CAAP1: variants seen among roughly 807,000 people sequenced by gnomAD.
The protein encoded by CAAP1 is conserved anti-apoptotic protein.
Under a neutral mutation model 34.0 loss-of-function variants are expected in CAAP1, and 20 were observed. The observed-to-expected ratio is 0.59, with a 90% CI of 0.41 to 0.86. The LOEUF (loss-of-function observed/expected upper bound fraction) is 0.86, where lower values mean the gene tolerates loss of function less well. Among genes scored for constraint, CAAP1 ranks in the 40% least tolerant of loss-of-function variants. CAAP1 has a pLI of 0.00. For synonymous variants in CAAP1, 213 were observed against 166.7 expected (o/e 1.28, Z -2.14); for missense variants, 538 against 450.5 (o/e 1.19, Z -1.76).
chr9:26,873,379 G>A (rs10967577), intron 4 of CAAP1, among the ~76,000 whole-genome samples: 6,503 of 152,124 alleles, frequency 0.043, 475 homozygotes, highest in African/African-American at 0.15. Flanking sequence ...ATTTTCACTG[G>A]TATCTCCCTC....
At chr9:26,852,284 T>C (rs1052006758) in intron 5 of CAAP1, among the ~76,000 whole-genome samples, 3 of 151,940 alleles carry the variant, frequency 2.0e-5, no homozygotes, top group African/African-American at 4.8e-5. Context: ...TGAAACGCCG[T>C]CTCTATTAAA....
intron 5 of CAAP1, among the ~76,000 whole-genome samples, chr9:26,844,369 A>T (rs757892830): frequency 6.6e-6 from 1 of 152,026 alleles, no homozygotes; most frequent in Non-Finnish European, 1.5e-5. Flanking sequence ...AAAAAAAAAG[A>T]AAATAAGTGC....
At chr9:26,870,033 G>C in intron 4 of CAAP1, 116 of 337,614 alleles carry the variant, frequency 3.4e-4, no homozygotes, top group Non-Finnish European at 4.3e-4. Context: ...GTAATAGAAA[G>C]AATAACTTTT....
At chr9:26,871,038 T>G (rs1444010282) in intron 4 of CAAP1, among the ~76,000 whole-genome samples, 1 of 152,178 alleles carries the variant, frequency 6.6e-6, no homozygotes, top group African/African-American at 2.4e-5. Context: ...CATTCAAGTT[T>G]ATTAATAGTG....
rs527672517 is a variant in CAAP1, at chr9:26,842,044, G to A, written c.*257C>T. ...ATGGCTTTTAAGATTTGCAGACACA[G>A]CTAAATACTCATCTAACAAAGTATC... On this transcript the variant is annotated 3_prime_UTR_variant, in exon 6 of 6. Coordinates refer to ENST00000333916, the MANE Select transcript of CAAP1 (RefSeq NM_024828.4). The A allele has an allele frequency of 3.1e-6, 1 of 323,674 alleles. No individual in the cohort carries two copies. The highest frequency in any genetic ancestry group is 5.6e-6 in the Non-Finnish European group (1 of 178,590). 20.1% of individuals were successfully genotyped at this position (323,674 alleles called of 1,614,324 possible).
chr9:26,858,709 G>A (rs746515921), intron 5 of CAAP1, among the ~76,000 whole-genome samples: 1 of 151,960 alleles, frequency 6.6e-6, no homozygotes, highest in Non-Finnish European at 1.5e-5. Flanking sequence ...TGTAGTCCCA[G>A]CTACTTGGGA....
Position 26,892,648 on chromosome 9 carries a change from A to G in CAAP1, c.68T>C (p.Leu23Pro), listed in dbSNP as rs1460766092. 3 of 1,608,092 alleles carry G rather than the reference A, an allele frequency of 1.9e-6. No homozygotes were observed. The highest frequency in any genetic ancestry group is 2.5e-6 in the Non-Finnish European group (3 of 1,179,256). Reference protein sequence around the residue: ...KRSSQEAAAALAAPDIVPALA... With the variant: ...KRSSQEAAAAPAAPDIVPALA... ...CGCGGGTACGATGTCCGGGGCCGCG[A>G]GCGCTGCGGCCGCCTCCTGACTGCT... Residue 23 changes from leucine (L) to proline (P), a missense_variant, in exon 1 of 6, where the codon CTC (leucine) becomes CCC (proline). Transcript: ENST00000333916.
chr9:26,843,653 C>T (rs1822532924), intron 5 of CAAP1, among the ~76,000 whole-genome samples: 1 of 151,950 alleles, frequency 6.6e-6, no homozygotes, highest in Non-Finnish European at 1.5e-5. Flanking sequence ...TATAAGAAAG[C>T]TTTGATAGCG....
chr9:26,878,275 G>A (rs1236976378), intron 4 of CAAP1, among the ~76,000 whole-genome samples: 1 of 152,100 alleles, frequency 6.6e-6, no homozygotes, highest in Non-Finnish European at 1.5e-5. Context: ...TTTCTTTCAA[G>A]TAATCTTCTC....
intron 4 of CAAP1, among the ~76,000 whole-genome samples, chr9:26,881,537 C>A (rs114848801): frequency 6.6e-6 from 1 of 152,134 alleles, no homozygotes; most frequent in African/African-American, 2.4e-5. Context: ...CTCTTGCTGC[C>A]GCCATATAAG....
At chr9:26,857,317 TG>T (rs1822893132) in intron 5 of CAAP1, among the ~76,000 whole-genome samples, 2 of 152,228 alleles carry the variant, frequency 1.3e-5, no homozygotes, top group African/African-American at 4.8e-5. Flanking sequence ...AACTACATTC[TG>T]AGTGAAATGA....
chr9:26,844,902 C>T (rs909541145), intron 5 of CAAP1, among the ~76,000 whole-genome samples: 4 of 152,188 alleles, frequency 2.6e-5, no homozygotes, highest in East Asian at 1.9e-4. Context: ...ATGTTCTACA[C>T]GTGGCAAGCC....
At chr9:26,853,344 G>A (rs1822798494) in intron 5 of CAAP1, among the ~76,000 whole-genome samples, 1 of 152,106 alleles carries the variant, frequency 6.6e-6, no homozygotes, top group Admixed American at 6.5e-5. Flanking sequence ...AGGGTGGGTG[G>A]GGAGTCACAG....
intron 4 of CAAP1, among the ~76,000 whole-genome samples, chr9:26,862,073 A>T (rs189113126): frequency 6.3e-4 from 96 of 152,300 alleles, no homozygotes; most frequent in African/African-American, 2.1e-3. Context: ...CTTTGCTGTT[A>T]ATTATGACAT....
At chr9:26,870,039 CTT>C (rs555433697) in intron 4 of CAAP1, 16,904 of 274,588 alleles carry the variant, frequency 0.062, 241 homozygotes, top group African/African-American at 0.12. Flanking sequence ...GAAAGAATAA[CTT>C]TTTTTTTTTT....
chr9:26,842,361 C>G lies in CAAP1; in HGVS notation c.1026G>C (p.Glu342Asp). The change falls in exon 6 of 6, where the codon GAG becomes GAC. Residue 342 changes from glutamate (E) to aspartate (D), a missense_variant. Physicochemically the swap from Glu to Asp is conservative, Grantham distance 45. Transcript: ENST00000333916. ...GGGCTTTAATCGCTCTTGCCCTCAT[C>G]TCAAGTTCTAGCAGCTCCAGTTGCT... Reference protein sequence around the residue: ...SAQQLELLELEMRARAIKALM... With the variant: ...SAQQLELLELDMRARAIKALM... 1 of 1,613,916 alleles carries G rather than the reference C, an allele frequency of 6.2e-7. No homozygotes were observed. The highest frequency in any genetic ancestry group is 8.5e-7 in the Non-Finnish European group (1 of 1,179,954).
In CAAP1 at chr9:26,892,318, C is replaced by G. The variant is rs928258478; in HGVS notation, c.303+95G>C. ...GACGACCTTGAGATTGCCGCGCTAG[C>G]AGTGAGCTCCAGCCTGCGCCCCATC... On this transcript the variant is annotated intron_variant, in intron 1 of 5. Transcript: ENST00000333916. The G allele has an allele frequency of 3.9e-6, 6 of 1,549,654 alleles. No individual in the cohort carries two copies. In the African/African-American group the frequency reaches 6.8e-5, roughly 18 times the overall value.
intron 4 of CAAP1, chr9:26,870,121 A>C (rs1484758809): frequency 5.2e-6 from 1 of 190,862 alleles, no homozygotes; most frequent in Non-Finnish European, 9.6e-6. Flanking sequence ...AGTTCCCCAC[A>C]GGGAAACCGT....
chr9:26,883,529 G>A (rs1008928430), intron 4 of CAAP1, among the ~76,000 whole-genome samples: 7 of 152,120 alleles, frequency 4.6e-5, no homozygotes, highest in African/African-American at 1.7e-4. Flanking sequence ...GCTTCTAACA[G>A]TTGAAAAGGT....
Sources: allele counts gnomAD v4.1 joint callset (sites outside exome capture counted in the v4.1 genomes callset), GRCh38; gene constraint gnomAD v4.1.1; transcripts MANE v1.5; gene names NCBI Gene and HGNC (gene_info 2026-07-23, HGNC 2026-07-21).